TSPAN7: variants seen among roughly 807,000 people sequenced by gnomAD.
TSPAN7 encodes the protein tetraspanin-7.
TSPAN7 carries 1 observed loss-of-function variant against 17.6 expected under a neutral mutation model. The ratio of observed to expected loss-of-function variants is 0.06; its 90% confidence interval spans 0.02 to 0.27. The LOEUF is 0.27. Ranked by LOEUF, TSPAN7 falls within the 10% of genes least tolerant of loss-of-function variation. The pLI is 1.00. For missense variants in TSPAN7, 112 were observed against 201.7 expected (o/e 0.56, Z 2.69); for synonymous variants, 78 against 79.0 (o/e 0.99, Z 0.07).
chrX:38,686,465 G>A (rs2069927769), intron 6 of TSPAN7, among the ~76,000 whole-genome samples: 1 of 111,334 alleles, frequency 9.0e-6, no homozygotes, highest in Non-Finnish European at 1.9e-5. Flanking sequence ...CCAGTTACTG[G>A]GCCCCACCCC....
At chrX:38,621,421 A>G (rs2069487551) in intron 1 of TSPAN7, among the ~76,000 whole-genome samples, 1 of 112,243 alleles carries the variant, frequency 8.9e-6, no homozygotes, top group Non-Finnish European at 1.9e-5. Flanking sequence ...TTGTAGCTAT[A>G]TGAGAAGAGT....
chrX:38,627,425 A>G (rs1316929960), intron 1 of TSPAN7, among the ~76,000 whole-genome samples: 3 of 112,200 alleles, frequency 2.7e-5, no homozygotes, highest in Non-Finnish European at 5.6e-5. Context: ...GTAAATGGAG[A>G]TGCTAACACT....
chrX:38,612,139 TA>T (rs779246541), intron 1 of TSPAN7, among the ~76,000 whole-genome samples: 33 of 111,600 alleles, frequency 3.0e-4, no homozygotes, highest in African/African-American at 9.1e-4. Context: ...AGTTGGTGGG[TA>T]AAGCCTTGAG....
intron 1 of TSPAN7, among the ~76,000 whole-genome samples, chrX:38,601,774 G>A (rs1225544827): frequency 9.0e-6 from 1 of 111,608 alleles, no homozygotes; most frequent in Non-Finnish European, 1.9e-5. Context: ...GGTAGTATGG[G>A]CTTGACTCAG....
At position 38,675,668 on chromosome X, in the gene TSPAN7, T is replaced by C. The variant is rs748513393; in HGVS notation, c.442-37T>C. 2.0e-5 allele frequency: 24 copies of C among 1,208,087 alleles called. No individual in the cohort carries two copies. The South Asian group carries it at 4.1e-4, about 20-fold the overall frequency. ...GTGATTGAGGAGACCACATTTGATC[T>C]GCCATTTTTTTATTCTTTTCCTTTC... On this transcript the variant is annotated intron_variant, in intron 4 of 7. Coordinates refer to ENST00000378482, the MANE Select transcript of TSPAN7 (RefSeq NM_004615.4).
chrX:38,639,141 A>T (rs1361519226), intron 1 of TSPAN7, among the ~76,000 whole-genome samples: 1 of 111,459 alleles, frequency 9.0e-6, no homozygotes, highest in Admixed American at 9.5e-5. Context: ...TTCTCGTGTG[A>T]TAATGAGATA....
At chrX:38,644,187 AT>A (rs2147437085) in intron 1 of TSPAN7, among the ~76,000 whole-genome samples, 1 of 112,032 alleles carries the variant, frequency 8.9e-6, no homozygotes, top group African/African-American at 3.2e-5. Flanking sequence ...GGCTAAAATT[AT>A]TCTGAGTCAC....
intron 1 of TSPAN7, among the ~76,000 whole-genome samples, chrX:38,642,475 C>T (rs113023424): frequency 8.1e-5 from 9 of 111,781 alleles, no homozygotes; most frequent in African/African-American, 2.6e-4. Context: ...CCTAAACACA[C>T]GAAACAAATA....
At chrX:38,580,857 G>A (rs1415768984) in intron 1 of TSPAN7, among the ~76,000 whole-genome samples, 1 of 111,577 alleles carries the variant, frequency 9.0e-6, no homozygotes, top group East Asian at 2.8e-4. Flanking sequence ...CAGGAGTACA[G>A]TTCTCTGGGG....
chrX:38,591,471 C>T (rs1034178288), intron 1 of TSPAN7, among the ~76,000 whole-genome samples: 1 of 111,534 alleles, frequency 9.0e-6, no homozygotes, highest in African/African-American at 3.3e-5. Flanking sequence ...GCAGATATTC[C>T]ATTTGTGCTA....
At chrX:38,601,489 C>T (rs1270194640) in intron 1 of TSPAN7, among the ~76,000 whole-genome samples, 1 of 111,638 alleles carries the variant, frequency 9.0e-6, no homozygotes, top group Non-Finnish European at 1.9e-5. Context: ...TAAATGCAAT[C>T]AGTAATTATG....
At chrX:38,634,160 A>G (rs776491480) in intron 1 of TSPAN7, among the ~76,000 whole-genome samples, 3 of 112,129 alleles carry the variant, frequency 2.7e-5, no homozygotes, top group African/African-American at 9.7e-5. Flanking sequence ...ATGTATACAG[A>G]TGGTCTTAGT....
At chrX:38,562,467 A>G (rs751239047) in intron 1 of TSPAN7, among the ~76,000 whole-genome samples, 2 of 107,362 alleles carry the variant, frequency 1.9e-5, no homozygotes, top group South Asian at 8.8e-4. Context: ...TTGAAGCTCA[A>G]TGCAGAAGGG....
chrX:38,646,740 G>A lies in TSPAN7; in HGVS notation c.82-19381G>A, dbSNP rs773567653. On this transcript the variant is annotated intron_variant, in intron 1 of 7. Transcript: ENST00000378482. ...AATTGCATTAAGGTGATAGAATTTG[G>A]GGATAATATTTATTTTAAAATTCTG... Among the ~76,000 whole-genome samples the A allele has an allele frequency of 9.8e-5, 11 of 112,177 alleles. No individual in the cohort carries two copies. The East Asian group carries it at 2.8e-3, about 28-fold the overall frequency.
At chrX:38,677,975 G>A (rs1467235504) in intron 5 of TSPAN7, among the ~76,000 whole-genome samples, 1 of 112,119 alleles carries the variant, frequency 8.9e-6, no homozygotes, top group Non-Finnish European at 1.9e-5. Flanking sequence ...TAGATCCTGT[G>A]GTGTCTTGGA....
chrX:38,620,283 T>C (rs146765319), intron 1 of TSPAN7, among the ~76,000 whole-genome samples: 1,907 of 111,985 alleles, frequency 0.017, 49 homozygotes, highest in African/African-American at 0.058. Context: ...TACCACCCTG[T>C]AAAGAATTCG....
rs2069849610 is a variant in TSPAN7 at position 38,675,799 on chromosome X, C to T, written c.536C>T (p.Thr179Ile). Residue 179 changes from threonine (T) to isoleucine (I), a missense_variant, in exon 5 of 8, where the codon ACT (threonine) becomes ATT (isoleucine). Coordinates refer to ENST00000378482, the MANE Select transcript of TSPAN7 (RefSeq NM_004615.4). ...GIPPSCCMNE[T>I]DCNPQDLHNL... ...CCCCCCAGCTGCTGCATGAACGAAA[C>T]TGATTGTAATCCCCAGGATCTACAC... is the stretch of plus-strand genomic sequence containing the variant. 1 of 1,191,420 alleles carries T rather than the reference C, an allele frequency of 8.4e-7. No individual in the cohort carries two copies. Among genetic ancestry groups the T allele is most frequent in the Non-Finnish European group, 1.1e-6 (1 of 886,492 alleles).
At chrX:38,618,047 C>T (rs9699220) in intron 1 of TSPAN7, among the ~76,000 whole-genome samples, 2,789 of 111,512 alleles carry the variant, frequency 0.025, 114 homozygotes, top group African/African-American at 0.087. Flanking sequence ...GTCGTTGGTG[C>T]AGTGAACATC....
chrX:38,655,551 C>A (rs191673758), intron 1 of TSPAN7, among the ~76,000 whole-genome samples: 21 of 110,572 alleles, frequency 1.9e-4, no homozygotes, highest in Admixed American at 1.4e-3. Flanking sequence ...AGAATCCTAC[C>A]TTACTATTTA....
Sources: allele counts gnomAD v4.1 joint callset (sites outside exome capture counted in the v4.1 genomes callset), GRCh38; gene constraint gnomAD v4.1.1; transcripts MANE v1.5; gene names NCBI Gene and HGNC (gene_info 2026-07-23, HGNC 2026-07-21).